KIF7: variants seen among roughly 807,000 people sequenced by gnomAD.
The protein encoded by KIF7 is kinesin-like protein KIF7.
A neutral mutation model predicts 135.7 loss-of-function variants in KIF7; 104 were observed. The observed-to-expected ratio is 0.77, with a 90% CI of 0.65 to 0.90. KIF7 has a LOEUF of 0.90. KIF7 is among the 40% of genes least tolerant of loss of function. KIF7 has a pLI of 0.00. For missense variants in KIF7, 2,005 were observed against 1,839.1 expected (o/e 1.09, Z -1.65); for synonymous variants, 883 against 809.4 (o/e 1.09, Z -1.54).
chr15:89,620,340 G>T (rs955627460), intron 1 of KIF7, among the ~76,000 whole-genome samples: 8 of 152,162 alleles, frequency 5.3e-5, no homozygotes, highest in Non-Finnish European at 1.2e-4. Context: ...TCCCAGGGAG[G>T]TGGGACTACA....
At position 89,645,189 on chromosome 15, in the gene KIF7, T is replaced by A; in HGVS notation, c.2039-24A>T. On this transcript the variant is annotated intron_variant, in intron 9 of 18. Coordinates refer to ENST00000394412, the MANE Select transcript of KIF7 (RefSeq NM_198525.3). Reference sequence around the variant, plus strand: ...TGCTGCAACAGGCAGCCTGTCAAGGTTGCTGCCCCAACTGACAGTGGGGGA... The same window carrying A: ...TGCTGCAACAGGCAGCCTGTCAAGGATGCTGCCCCAACTGACAGTGGGGGA... The A allele has an allele frequency of 3.7e-6, 6 of 1,605,152 alleles. 1 individual carries two copies. The South Asian group carries it at 5.5e-5, about 15-fold the overall frequency.
Position 89,628,982 on chromosome 15 carries a change from T to C in KIF7, c.3658A>G (p.Ser1220Gly). The change falls in exon 18 of 19, where the codon AGC (serine) becomes GGC (glycine). Residue 1220 changes from serine to glycine, a missense_variant. Coordinates refer to ENST00000394412, the MANE Select transcript of KIF7 (RefSeq NM_198525.3). ...GAGCGCGACGAGGAGTTACCCCTGC[T>C]GTGGCCTACAGCGTTCACACCGCCG... ...KLGGVNAVGH[S>G]RGGEKRSLCS... The C allele has an allele frequency of 3.7e-6, 6 of 1,613,852 alleles. No individual in the cohort carries two copies. Among genetic ancestry groups the C allele is most frequent in the Non-Finnish European group, 5.1e-6 (6 of 1,179,998 alleles).
At chr15:89,638,907 A>G (rs1171548973) in intron 11 of KIF7, among the ~76,000 whole-genome samples, 1 of 152,138 alleles carries the variant, frequency 6.6e-6, no homozygotes, top group African/African-American at 2.4e-5. Context: ...CTACAAGGCT[A>G]CAGTAACCAA....
intron 11 of KIF7, among the ~76,000 whole-genome samples, chr15:89,637,634 T>A (rs1447522852): frequency 2.7e-5 from 4 of 148,446 alleles, no homozygotes; most frequent in Admixed American, 1.3e-4. Flanking sequence ...AAGTTGAATC[T>A]CTGAATAGAC....
intron 11 of KIF7, among the ~76,000 whole-genome samples, chr15:89,639,264 T>C (rs558728846): frequency 7.2e-5 from 11 of 152,130 alleles, no homozygotes; most frequent in African/African-American, 2.7e-4. Context: ...CCAAACGCAA[T>C]GGCAACCAAA....
the KIF7 span, among the ~76,000 whole-genome samples, chr15:89,662,420 C>T: frequency 2.0e-5 from 3 of 152,306 alleles, no homozygotes; most frequent in Middle Eastern, 3.4e-3. Context: ...TCGCTTAAGC[C>T]TGGGGGCATG....
At chr15:89,658,693 T>C (rs573234214), upstream of KIF7, among the ~76,000 whole-genome samples, 217 of 151,032 alleles carry the variant, frequency 1.4e-3, no homozygotes, top group Non-Finnish European at 2.9e-3. Context: ...CGAAACCCCA[T>C]CTCTACAAAA....
intron 4 of KIF7, 30 bp from the exon 5 acceptor site, chr15:89,648,804 G>A (rs895055109): frequency 3.7e-5 from 56 of 1,517,794 alleles, no homozygotes; most frequent in East Asian, 4.9e-5. Flanking sequence ...GCTCTCAGGG[G>A]CCCCGACGCT....
Position 89,648,501 on chromosome 15 carries a change from C to G in KIF7, c.1197G>C (p.Ala399=). 1 of 1,048,836 alleles carries G rather than the reference C, an allele frequency of 9.5e-7. No individual in the cohort carries two copies. Among genetic ancestry groups the G allele is most frequent in the East Asian group, 6.9e-5 (1 of 14,466 alleles). 65.0% of individuals were successfully genotyped at this position (1,048,836 alleles called of 1,614,324 possible). A position where few individuals can be genotyped will look rare whatever the true frequency, so the allele number is the denominator to read the frequency against. Residue 399 remains alanine (A), a synonymous_variant, in exon 5 of 19, where the codon GCG becomes GCC. Transcript: ENST00000394412. ...CGGCGCCCAGGCGCATGGCGGCCGC[C>G]GCGGAGGCGGTGGCTGGGCCTGGGG... The part of the protein sequence containing the change: ...RRAPGPATAS[A]AAAMRLGAEC...
downstream of KIF7, chr15:89,624,602 CTCA>C: frequency 1.9e-6 from 3 of 1,613,978 alleles, no homozygotes; most frequent in Non-Finnish European, 2.5e-6. Flanking sequence ...AGCCTCTCTC[CTCA>C]GTCTCCTCCT....
intron 5 of KIF7, 123 bp downstream of exon 5, chr15:89,648,132 T>A: frequency 7.4e-7 from 1 of 1,346,274 alleles, no homozygotes; most frequent in Non-Finnish European, 9.5e-7. Flanking sequence ...AGTGACCGAA[T>A]CCCGAACGTG....
At chr15:89,653,095 C>T (rs957354431) in intron 1 of KIF7, 141 bp from the exon 2 acceptor site, 5 of 634,064 alleles carry the variant, frequency 7.9e-6, no homozygotes, top group African/African-American at 3.7e-5. Flanking sequence ...ACAATATCCC[C>T]ATGTCCAACC....
Position 89,619,739 on chromosome 15 carries a change from G to A in KIF7, c.181-1544C>T, listed in dbSNP as rs753614396. On this transcript the variant is annotated intron_variant and NMD_transcript_variant, in intron 1 of 2. Coordinates refer to the KIF7 transcript ENST00000558928. ...GTCTGAGACGAAGTCCTCGAATCAA[G>A]CAGTTGTCATTTAGCAGGACACATT... The A allele has an allele frequency of 6.2e-6, 10 of 1,613,460 alleles. No individual in the cohort carries two copies. In the Middle Eastern group the frequency reaches 5.0e-4, roughly 80 times the overall value.
At chr15:89,625,083 G>A (rs1382518212), downstream of KIF7, 14 of 1,613,934 alleles carry the variant, frequency 8.7e-6, no homozygotes, top group South Asian at 1.4e-4. Flanking sequence ...CCCTCAGCAA[G>A]GAGGAGAGCT....
chr15:89,625,081 A>G (rs774379315), downstream of KIF7: 7 of 1,613,982 alleles, frequency 4.3e-6, no homozygotes, highest in East Asian at 6.7e-5. Context: ...GCCCCTCAGC[A>G]AGGAGGAGAG....
chr15:89,657,105 T>G (rs182930625), upstream of KIF7, among the ~76,000 whole-genome samples: 89 of 152,210 alleles, frequency 5.8e-4, 3 homozygotes, highest in Middle Eastern at 6.8e-3. Flanking sequence ...CCCAGGAGTT[T>G]GAGACCAACC....
In KIF7 at chr15:89,648,300, G is replaced by A. The variant is rs769988940; in HGVS notation, c.1398C>T (p.Ser466=). 6.6e-6 allele frequency: 10 copies of A among 1,517,930 alleles called. No individual in the cohort carries two copies. The South Asian group carries it at 9.6e-5, about 15-fold the overall frequency. The allele number at this position is 1,517,930 out of a possible 1,614,324, so 94.0% of individuals were successfully genotyped here. Residue 466 remains serine (S), a synonymous_variant, in exon 5 of 19, where the codon AGC becomes AGT. Transcript: ENST00000394412. ...SASGPDSGIE[S]ASVEDQAAQG... is the part of the protein sequence containing the mutation. ...GCGCCGCCTGGTCCTCGACGGAGGC[G>A]CTCTCGATGCCGCTATCGGGCCCGG...
Position 89,628,450 on chromosome 15 carries a change from C to T in KIF7, c.4001G>A (p.Gly1334Glu). 6.2e-7 allele frequency: 1 copy of T among 1,609,628 alleles called. No homozygotes were observed. The highest frequency in any genetic ancestry group is 8.5e-7 in the Non-Finnish European group (1 of 1,177,870). Residue 1334 changes from glycine to glutamate, a missense_variant, in exon 19 of 19, where the codon GGG (glycine) becomes GAG (glutamate). Gly to Glu is a moderately conservative substitution (Grantham distance 98). Coordinates refer to ENST00000394412, the MANE Select transcript of KIF7 (RefSeq NM_198525.3). ...GGGGTTTTTCCGGACATCAATCATC[C>T]CCGGGCTGGCTCGTCGCAGTTCCCG... ...PRRELRRASP[G>E]MIDVRKNPL
the KIF7 span, among the ~76,000 whole-genome samples, chr15:89,661,365 A>G: frequency 6.6e-6 from 1 of 152,332 alleles, no homozygotes; most frequent in East Asian, 1.9e-4. Context: ...ATCATATTGT[A>G]TTGGGGTGTA....
Sources: gnomAD v4.1 joint callset for allele counts (sites outside exome capture counted in the v4.1 genomes callset) on GRCh38, gnomAD v4.1.1 for gene constraint, MANE v1.5 for transcripts, NCBI Gene and HGNC (gene_info 2026-07-23, HGNC 2026-07-21) for gene names.